The following CHLSN variants were observed in gnomAD, a reference collection of about 807,000 sequenced individuals.
CHLSN encodes the protein protein cholesin.
At chr7:1,063,422 G>A in the CHLSN span, among the ~76,000 whole-genome samples, 30 of 152,200 alleles carry the variant, frequency 2.0e-4, no homozygotes, top group Non-Finnish European at 4.0e-4. Context: ...TGCTCCTGGG[G>A]TGTGCGTCAT....
At chr7:1,054,387 G>C in the CHLSN span, among the ~76,000 whole-genome samples, 12 of 152,328 alleles carry the variant, frequency 7.9e-5, no homozygotes, top group South Asian at 2.5e-3. Context: ...TTTGTCAGCT[G>C]CCAGTAAACA....
At chr7:1,047,245 G>T in the CHLSN span, among the ~76,000 whole-genome samples, 2 of 152,172 alleles carry the variant, frequency 1.3e-5, no homozygotes, top group East Asian at 1.9e-4. Flanking sequence ...TTGGTCTCAG[G>T]CCCCCAGAGC....
At chr7:1,033,376 G>A in the CHLSN span, among the ~76,000 whole-genome samples, 5 of 152,098 alleles carry the variant, frequency 3.3e-5, no homozygotes, top group Non-Finnish European at 5.9e-5. Context: ...TGACCAACAC[G>A]GAGAAACCCC....
chr7:1,024,119 A>C, the CHLSN span, among the ~76,000 whole-genome samples: 1 of 151,644 alleles, frequency 6.6e-6, no homozygotes, highest in African/African-American at 2.4e-5. Context: ...GAGTTTTCAA[A>C]CTCCTGGGCC....
the CHLSN span, among the ~76,000 whole-genome samples, chr7:1,105,077 G>A: frequency 9.9e-5 from 15 of 152,252 alleles, no homozygotes; most frequent in African/African-American, 2.6e-4. Flanking sequence ...ACTATGTATC[G>A]CAATTTTATA....
At chr7:997,981 T>C in the CHLSN span, among the ~76,000 whole-genome samples, 1 of 152,332 alleles carries the variant, frequency 6.6e-6, no homozygotes, top group Non-Finnish European at 1.5e-5. Flanking sequence ...GAAGAAGAAA[T>C]GCCTGTTTAG....
At chr7:1,077,786 G>A in the CHLSN span, 1 of 152,242 alleles carries the variant, frequency 6.6e-6, no homozygotes, top group Admixed American at 6.5e-5. Flanking sequence ...TGTTTTCGGT[G>A]AGCACAGAAC....
At chr7:1,020,473 C>G in the CHLSN span, among the ~76,000 whole-genome samples, 1 of 152,210 alleles carries the variant, frequency 6.6e-6, no homozygotes, top group Admixed American at 6.5e-5. Context: ...CCAAGGGCCC[C>G]TCGGCGCCCC....
the CHLSN span, among the ~76,000 whole-genome samples, chr7:1,119,793 C>T: frequency 6.6e-6 from 1 of 151,702 alleles, no homozygotes; most frequent in South Asian, 2.1e-4. Flanking sequence ...AGGAGAATCG[C>T]TTGAACCCGG....
chr7:1,096,727 C>T, the CHLSN span, among the ~76,000 whole-genome samples: 1 of 152,234 alleles, frequency 6.6e-6, no homozygotes, highest in Non-Finnish European at 1.5e-5. The surrounding 1 kb of genome is among the most constrained non-coding windows in gnomAD (Gnocchi z 4.6). Flanking sequence ...ACGTGACCTC[C>T]TCGTTCTTTG....
At chr7:1,027,629 T>G in the CHLSN span, among the ~76,000 whole-genome samples, 2 of 152,240 alleles carry the variant, frequency 1.3e-5, no homozygotes, top group African/African-American at 4.8e-5. Context: ...ATCCCAATTG[T>G]TTTCATCATG....
chr7:1,069,938 A>T, the CHLSN span, among the ~76,000 whole-genome samples: 1 of 99,360 alleles, frequency 1.0e-5, no homozygotes. Context: ...ACATCTAGGA[A>T]GTGAGGAGCG....
chr7:982,546 G>A, the CHLSN span, among the ~76,000 whole-genome samples: 2 of 152,260 alleles, frequency 1.3e-5, no homozygotes, highest in Admixed American at 6.5e-5. Flanking sequence ...CTAGCTCAGA[G>A]GGTTGCATCC....
the CHLSN span, among the ~76,000 whole-genome samples, chr7:1,003,736 G>T: frequency 1.1e-5 from 1 of 92,458 alleles, no homozygotes; most frequent in Non-Finnish European, 2.3e-5. Context: ...CTGTGGGTGA[G>T]TGGAGTCCTG....
the CHLSN span, among the ~76,000 whole-genome samples, chr7:1,009,068 C>A: frequency 6.6e-6 from 1 of 152,182 alleles, no homozygotes; most frequent in African/African-American, 2.4e-5. Context: ...CACGTGCACG[C>A]AGCGTGCACA....
chr7:978,317 A>G, the CHLSN span, among the ~76,000 whole-genome samples: 1 of 152,166 alleles, frequency 6.6e-6, no homozygotes, highest in Non-Finnish European at 1.5e-5. Context: ...CAGGAGTTTG[A>G]GACCAGCCTT....
the CHLSN span, chr7:1,091,914 G>A: frequency 2.6e-5 from 42 of 1,613,876 alleles, no homozygotes; most frequent in East Asian, 2.0e-4. Context: ...TGTTCCTCTC[G>A]TGCCTCTACA....
chr7:1,117,795 G>A, the CHLSN span, among the ~76,000 whole-genome samples: 7 of 150,418 alleles, frequency 4.7e-5, no homozygotes, highest in East Asian at 3.9e-4. Context: ...GCATGACATC[G>A]CTACGGCTCT....
the CHLSN span, among the ~76,000 whole-genome samples, chr7:1,041,395 TCCGCG>T: frequency 2.0e-4 from 25 of 126,080 alleles, no homozygotes; most frequent in Middle Eastern, 3.9e-3. Context: ...GGACCTGGGG[TCCGCG>T]CTGCGGGGAA....
Sources: gnomAD v4.1 joint callset for allele counts (sites outside exome capture counted in the v4.1 genomes callset) on GRCh38, gnomAD v4.1.1 for gene constraint, Gnocchi (gnomAD v3.1) non-coding constraint, MANE v1.5 for transcripts, NCBI Gene and HGNC (gene_info 2026-07-23, HGNC 2026-07-21) for gene names.